Variants in COL12A1 observed in about 807,000 individuals in gnomAD.
COL12A1 encodes the protein collagen alpha-1(XII) chain.
A neutral mutation model predicts 349.7 loss-of-function variants in COL12A1; 114 were observed. The observed-to-expected ratio is 0.33, with a 90% CI of 0.28 to 0.38. The LOEUF (loss-of-function observed/expected upper bound fraction) is 0.38. COL12A1 is among the 10% of genes least tolerant of loss of function. COL12A1 has a pLI of 1.00. For missense variants in COL12A1, 3,284 were observed against 3,756.9 expected (o/e 0.87, Z 3.29); for synonymous variants, 1,369 against 1,329.0 (o/e 1.03, Z -0.66).
chr6:75,156,180 A>T (rs1271782711), intron 15 of COL12A1, 77 bp downstream of exon 15: 3 of 1,500,578 alleles, frequency 2.0e-6, no homozygotes, highest in African/African-American at 1.4e-5. Flanking sequence ...AACATTTACA[A>T]ATGAAGTAGA....
chr6:75,098,529 C>T (rs1768157020), intron 58 of COL12A1, among the ~76,000 whole-genome samples: 1 of 152,158 alleles, frequency 6.6e-6, no homozygotes, highest in Non-Finnish European at 1.5e-5. Flanking sequence ...CATGGTGGCA[C>T]ACACCTGTGG....
At chr6:75,189,937 T>C in intron 5 of COL12A1, 122 bp from the exon 6 acceptor site, 1 of 1,064,700 alleles carries the variant, frequency 9.4e-7, no homozygotes, top group Non-Finnish European at 1.3e-6. Flanking sequence ...ATTCACCAAT[T>C]GTTCTTCACC....
chr6:75,123,210 T>A, intron 43 of COL12A1, 120 bp downstream of exon 43: 1 of 922,714 alleles, frequency 1.1e-6, no homozygotes, highest in Admixed American at 2.1e-5. Context: ...TAAAAACTCT[T>A]CAGCAGCAAT....
intron 16 of COL12A1, 62 bp downstream of exon 16, chr6:75,155,600 A>T: frequency 1.3e-6 from 2 of 1,482,510 alleles, no homozygotes; most frequent in Non-Finnish European, 1.8e-6. Flanking sequence ...AATTTACAAA[A>T]GCTATTCAAC....
chr6:75,191,856 C>T, intron 4 of COL12A1, 96 bp from the exon 5 acceptor site: 2 of 698,776 alleles, frequency 2.9e-6, no homozygotes, highest in Middle Eastern at 4.4e-4. Context: ...TTGTTATTGT[C>T]TCTTAAATGT....
At chr6:75,175,565 C>A (rs898250491) in intron 12 of COL12A1, among the ~76,000 whole-genome samples, 3 of 152,164 alleles carry the variant, frequency 2.0e-5, no homozygotes, top group African/African-American at 4.8e-5. Flanking sequence ...CATGTAAAAT[C>A]TTTCATGTTA....
At chr6:75,101,686 A>G (rs767287722) in intron 57 of COL12A1, 33 bp from the exon 58 acceptor site, 2 of 1,600,020 alleles carry the variant, frequency 1.2e-6, no homozygotes, top group South Asian at 1.1e-5. Flanking sequence ...GTGAAACATT[A>G]TAATATACTT....
intron 60 of COL12A1, 124 bp downstream of exon 60, chr6:75,094,984 G>T: frequency 1.2e-6 from 1 of 839,530 alleles, no homozygotes; most frequent in Non-Finnish European, 1.8e-6. Context: ...GTTTAGCATG[G>T]TTTCAACAAA....
rs754733626 is a variant in COL12A1 at position 75,175,063 on chromosome 6, G to A, written c.2685C>T (p.Leu895=). The A allele has an allele frequency of 2.5e-6, 4 of 1,614,038 alleles. No homozygotes were observed. The highest frequency in any genetic ancestry group is 3.4e-6 in the Non-Finnish European group (4 of 1,180,012). The change falls in exon 13 of 66, where the codon CTC becomes CTT. Residue 895 remains leucine (L), a synonymous_variant. Transcript: ENST00000322507. ...CTTCAAGTGTTGTTCCTTCACCAAA[G>A]AGGGCGTCTCCAGCCCCAGACGCAT... ...ALYASGAGDA[L]FGEGTTLEER...
Position 75,175,219 on chromosome 6 carries a change from C to T in COL12A1, c.2529G>A (p.Gln843=), listed in dbSNP as rs374489011. 2.5e-6 allele frequency: 4 copies of T among 1,614,190 alleles called. No individual in the cohort carries two copies. Among genetic ancestry groups the T allele is most frequent in the South Asian group, 1.1e-5 (1 of 91,084 alleles). The change falls in exon 13 of 66, where the codon CAG becomes CAA. Residue 843 remains glutamine, a synonymous_variant. Transcript: ENST00000322507. The part of the protein sequence containing the change: ...SWSGAPGKVK[Q]YLVTYTPVAG... ...CCACTGGGGTATATGTGACGAGATA[C>T]TGTTTCACTTTTCCTGGTGCCCCAC...
chr6:75,127,761 C>T (rs944987452), intron 38 of COL12A1, among the ~76,000 whole-genome samples: 3 of 152,090 alleles, frequency 2.0e-5, no homozygotes, highest in Non-Finnish European at 4.4e-5. Context: ...AAGAAATTAC[C>T]ACCAGTATAG....
intron 16 of COL12A1, 122 bp from the exon 17 acceptor site, chr6:75,154,659 G>T: frequency 1.0e-6 from 1 of 958,372 alleles, no homozygotes; most frequent in Non-Finnish European, 1.5e-6. Context: ...AGAGTTTATA[G>T]TGTACAACAT....
At chr6:75,162,300 G>A (rs559400549) in intron 14 of COL12A1, among the ~76,000 whole-genome samples, 12 of 152,044 alleles carry the variant, frequency 7.9e-5, no homozygotes, top group South Asian at 6.2e-4. Flanking sequence ...TACCAAAAAC[G>A]TAAAGTGCAA....
At chr6:75,138,268 ACATT>A in intron 30 of COL12A1, 48 bp downstream of exon 30, 1 of 1,511,844 alleles carries the variant, frequency 6.6e-7, no homozygotes, top group Non-Finnish European at 9.1e-7. Context: ...TTTCATTTAT[ACATT>A]CATTCATTAT....
chr6:75,130,270 C>T, intron 36 of COL12A1, 37 bp from the exon 37 acceptor site: 2 of 1,603,232 alleles, frequency 1.2e-6, no homozygotes, highest in Non-Finnish European at 1.7e-6. Context: ...TGTTGCCTGC[C>T]TGTGAGCATT....
chr6:75,200,993 G>T (rs1770499270), intron 2 of COL12A1, among the ~76,000 whole-genome samples: 1 of 150,676 alleles, frequency 6.6e-6, no homozygotes, highest in Non-Finnish European at 1.5e-5. Context: ...AAATTTAAAA[G>T]ATAAAATATA....
chr6:75,102,017 T>C lies in COL12A1; in HGVS notation c.8451A>G (p.Pro2817=). Residue 2817 remains proline (P), a synonymous_variant, in exon 57 of 66, where the codon CCA becomes CCG. Transcript: ENST00000322507. The part of the protein sequence containing the change: ...RQGMKGDAGE[P]GLPGRTGTPG... The stretch of plus-strand genomic sequence containing the variant: ...AACTCACTGTTCGGCCTGGAAGTCC[T>C]GGCTCTCCAGCATCACCTTTCATCC... The C allele has an allele frequency of 1.2e-6, 2 of 1,614,218 alleles. No individual in the cohort carries two copies. The highest frequency in any genetic ancestry group is 1.7e-6 in the Non-Finnish European group (2 of 1,180,044).
At chr6:75,174,428 C>A (rs914969853) in intron 13 of COL12A1, among the ~76,000 whole-genome samples, 1 of 152,028 alleles carries the variant, frequency 6.6e-6, no homozygotes, top group Non-Finnish European at 1.5e-5. Context: ...TGGTGGCGGG[C>A]GCCTGTAGTC....
chr6:75,091,697 T>C (rs1767774855), intron 60 of COL12A1, among the ~76,000 whole-genome samples, 172 bp from the exon 61 acceptor site: 1 of 152,132 alleles, frequency 6.6e-6, no homozygotes, highest in South Asian at 2.1e-4. Context: ...AAAAGGAATC[T>C]AATCTCTCTC....
Sources: gnomAD v4.1 joint callset for allele counts (sites outside exome capture counted in the v4.1 genomes callset) on GRCh38, gnomAD v4.1.1 for gene constraint, MANE v1.5 for transcripts, NCBI Gene and HGNC (gene_info 2026-07-23, HGNC 2026-07-21) for gene names.